MOB1B: variants seen among roughly 807,000 people sequenced by gnomAD.
MOB1B encodes the protein MOB kinase activator 1B.
Under a neutral mutation model 24.4 loss-of-function variants are expected in MOB1B, and 19 were observed. The ratio of observed to expected loss-of-function variants is 0.78; its 90% confidence interval spans 0.54 to 1.14. The LOEUF (loss-of-function observed/expected upper bound fraction) is 1.14. Ranked by LOEUF, MOB1B falls within the 50% of genes most tolerant of loss-of-function variation. The pLI is 0.00. For synonymous variants in MOB1B, 76 were observed against 82.1 expected (o/e 0.93, Z 0.40); for missense variants, 243 against 259.6 (o/e 0.94, Z 0.44).
intron 4 of MOB1B, chr4:70,975,619 G>A: frequency 1.0e-6 from 1 of 958,076 alleles, no homozygotes. Flanking sequence ...GTATCACTGA[G>A]TTTATTTTCA....
Position 70,985,005 on chromosome 4 carries a change from T to C in MOB1B, c.*2948T>C, listed in dbSNP as rs1173862307. 6.6e-6 allele frequency: 1 copy of C among 151,868 alleles called. No homozygotes were observed. 9.4% of individuals were successfully genotyped at this position (151,868 alleles called of 1,614,324 possible). A position where few individuals can be genotyped will look rare whatever the true frequency, so the allele number is the denominator to read the frequency against. On this transcript the variant is annotated 3_prime_UTR_variant, in exon 6 of 6. Transcript: ENST00000309395. Reference sequence around the variant, plus strand: ...ATAAAATGTATTAGGTAGGAGAAGATACGTTTTATGTATAATATATCTCAG... The same window carrying C: ...ATAAAATGTATTAGGTAGGAGAAGACACGTTTTATGTATAATATATCTCAG...
intron 1 of MOB1B, among the ~76,000 whole-genome samples, chr4:70,934,203 G>C (rs1251070021): frequency 6.6e-6 from 1 of 151,882 alleles, no homozygotes; most frequent in African/African-American, 2.4e-5. Flanking sequence ...TCCTGCCTCA[G>C]CCTACCGAGT....
At chr4:70,961,881 A>G (rs1238494688) in intron 2 of MOB1B, among the ~76,000 whole-genome samples, 1 of 152,182 alleles carries the variant, frequency 6.6e-6, no homozygotes, top group Non-Finnish European at 1.5e-5. Context: ...TGAAAGTGTA[A>G]TTACTTAGCT....
intron 1 of MOB1B, among the ~76,000 whole-genome samples, chr4:70,903,726 T>C (rs911990449): frequency 1.1e-4 from 16 of 152,242 alleles, no homozygotes; most frequent in African/African-American, 3.9e-4. Flanking sequence ...TATTTTCACA[T>C]GCTCACATCT....
chr4:70,925,522 A>G (rs1414292566), intron 1 of MOB1B, among the ~76,000 whole-genome samples: 1 of 152,116 alleles, frequency 6.6e-6, no homozygotes, highest in Non-Finnish European at 1.5e-5. Flanking sequence ...GACAGAAAGT[A>G]CTCTCAGGAT....
rs568357369 is a variant in MOB1B, at chr4:70,986,771, T to G, written c.*4714T>G. Reference sequence around the variant, plus strand: ...GTTTAGCAGTAAAGCTATCTTAAGATTTAATGGAAAAGTTTAATTTGAAGA... The same window carrying G: ...GTTTAGCAGTAAAGCTATCTTAAGAGTTAATGGAAAAGTTTAATTTGAAGA... On this transcript the variant is annotated 3_prime_UTR_variant, in exon 6 of 6. Transcript: ENST00000309395. The G allele has an allele frequency of 1.3e-5, 2 of 152,284 alleles. No individual in the cohort carries two copies. Among genetic ancestry groups the G allele is most frequent in the South Asian group, 2.1e-4 (1 of 4,830 alleles). 9.4% of individuals were successfully genotyped at this position (152,284 alleles called of 1,614,324 possible).
chr4:70,976,470 T>G (rs1414961572), intron 4 of MOB1B: 26 of 985,182 alleles, frequency 2.6e-5, no homozygotes, highest in Non-Finnish European at 3.0e-5. Flanking sequence ...TGACTTTGCT[T>G]TTTTGTATTT....
chr4:70,969,730 A>G (rs1427668571), intron 2 of MOB1B, among the ~76,000 whole-genome samples: 9 of 152,128 alleles, frequency 5.9e-5, no homozygotes, highest in Admixed American at 5.9e-4. Context: ...CTTCATCTCT[A>G]TGCTTGCCTT....
At chr4:70,915,830 A>T (rs895830055) in intron 1 of MOB1B, among the ~76,000 whole-genome samples, 7 of 151,510 alleles carry the variant, frequency 4.6e-5, no homozygotes, top group Admixed American at 3.9e-4. Flanking sequence ...TGTCTAGTGG[A>T]AGCAGGGTAG....
At chr4:70,908,726 G>T (rs1735855577) in intron 1 of MOB1B, among the ~76,000 whole-genome samples, 1 of 149,578 alleles carries the variant, frequency 6.7e-6, no homozygotes, top group African/African-American at 2.5e-5. Flanking sequence ...AGTGAGCCGA[G>T]ATCATGCCGC....
At chr4:70,919,902 G>A (rs1426269204) in intron 1 of MOB1B, among the ~76,000 whole-genome samples, 3 of 152,200 alleles carry the variant, frequency 2.0e-5, no homozygotes. Flanking sequence ...AAGGTTTGAT[G>A]TATAGTCATG....
chr4:70,940,676 A>ATT (rs796738977), intron 1 of MOB1B, among the ~76,000 whole-genome samples: 30 of 141,642 alleles, frequency 2.1e-4, no homozygotes, highest in Middle Eastern at 3.6e-3. Flanking sequence ...TAGGGCATTA[A>ATT]TTTTTTTTTT....
chr4:70,960,962 C>T (rs1475997175), intron 2 of MOB1B, among the ~76,000 whole-genome samples: 1 of 152,156 alleles, frequency 6.6e-6, no homozygotes, highest in Admixed American at 6.5e-5. Context: ...GTTGCCACAA[C>T]TGAGTGTCTG....
chr4:70,970,390 A>G (rs117772503), intron 3 of MOB1B, among the ~76,000 whole-genome samples: 4 of 152,252 alleles, frequency 2.6e-5, no homozygotes, highest in East Asian at 1.9e-4. Flanking sequence ...CTTCAATTCT[A>G]TTATCAAATA....
At chr4:70,908,648 G>A (rs1735852042) in intron 1 of MOB1B, among the ~76,000 whole-genome samples, 2 of 151,124 alleles carry the variant, frequency 1.3e-5, no homozygotes, top group South Asian at 4.2e-4. Context: ...GGTGGCATGT[G>A]CCTGTAGTCC....
At chr4:70,906,986 A>T (rs1392534928) in intron 1 of MOB1B, among the ~76,000 whole-genome samples, 3 of 152,220 alleles carry the variant, frequency 2.0e-5, no homozygotes, top group Non-Finnish European at 4.4e-5. Flanking sequence ...GGAAAGTTTC[A>T]TGAAAGAAGT....
At chr4:70,922,268 C>A (rs1384195060) in intron 1 of MOB1B, among the ~76,000 whole-genome samples, 2 of 152,078 alleles carry the variant, frequency 1.3e-5, no homozygotes, top group South Asian at 4.1e-4. Flanking sequence ...TGAAGATGAC[C>A]CAGATATTAA....
intron 1 of MOB1B, among the ~76,000 whole-genome samples, chr4:70,919,813 A>G (rs757287726): frequency 6.6e-6 from 1 of 152,170 alleles, no homozygotes; most frequent in Non-Finnish European, 1.5e-5. Flanking sequence ...AACTGTTTCT[A>G]GTAGTCTTAA....
At chr4:70,976,046 C>T (rs1738977100) in intron 4 of MOB1B, 2 of 256,864 alleles carry the variant, frequency 7.8e-6, no homozygotes, top group Non-Finnish European at 6.1e-6. Flanking sequence ...ACTACAGACG[C>T]GTGCCACCAC....
Sources: gnomAD v4.1 joint callset for allele counts (sites outside exome capture counted in the v4.1 genomes callset) on GRCh38, gnomAD v4.1.1 for gene constraint, MANE v1.5 for transcripts, NCBI Gene and HGNC (gene_info 2026-07-23, HGNC 2026-07-21) for gene names.